The following AKT1 variants were observed in gnomAD, a reference collection of about 807,000 sequenced individuals.
AKT1 encodes AKT serine/threonine kinase 1.
AKT1 carries 21 observed loss-of-function variants against 63.1 expected under a neutral mutation model. The observed-to-expected ratio is 0.33, with a 90% CI of 0.24 to 0.48. The LOEUF (loss-of-function observed/expected upper bound fraction) is 0.48. Among genes scored for constraint, AKT1 ranks in the 20% least tolerant of loss-of-function variants. The pLI, the probability that AKT1 is intolerant of heterozygous loss-of-function variation, is 0.99. For missense variants in AKT1, 382 were observed against 666.0 expected, an observed-to-expected ratio of 0.57 and a Z score of 4.69; for synonymous variants, 257 against 253.1, an observed-to-expected ratio of 1.02 and a Z score of -0.15.
chr14:104,781,147 A>G (rs1447354393), intron 3 of AKT1, among the ~76,000 whole-genome samples: 1 of 152,184 alleles, frequency 6.6e-6, no homozygotes, highest in Admixed American at 6.5e-5. Context: ...CTCGGAAAAA[A>G]ATGTTCCACT....
rs570816991 is a variant in AKT1 at position 104,772,529 on chromosome 14, G to A, written c.1173-77C>T. ...CTGGGTTCAGGCCCCTTCCTCCTGT[G>A]ATGTAGGGCCCGCCAGACAGGACGT... On this transcript the variant is annotated intron_variant, in intron 12 of 14. Coordinates refer to ENST00000649815, the MANE Select transcript of AKT1 (RefSeq NM_001382430.1). 7.6e-6 allele frequency: 11 copies of A among 1,441,236 alleles called. No individual in the cohort carries two copies. The East Asian group carries it at 2.5e-4, about 33-fold the overall frequency. 89.3% of individuals were successfully genotyped at this position (1,441,236 alleles called of 1,614,324 possible).
intron 6 of AKT1, 174 bp from the exon 7 acceptor site, chr14:104,775,381 T>G: frequency 8.0e-7 from 1 of 1,255,660 alleles, no homozygotes; most frequent in Non-Finnish European, 1.1e-6. Flanking sequence ...AGGGAACACA[T>G]GGCTGCGGCC....
chr14:104,774,645 G>A (rs1892605783), intron 8 of AKT1: 1 of 458,700 alleles, frequency 2.2e-6, no homozygotes, highest in Admixed American at 3.9e-5. Context: ...GGCAGGCAGG[G>A]CTGCAGGGCA....
chr14:104,782,400 G>A lies in AKT1; in HGVS notation c.47-2184C>T, dbSNP rs143821500. ...CCCCCACCGTGCCCAGCATGGCCCC[G>A]TGCTGCCCCCGAGCACGCAGCTCCC... is the stretch of plus-strand genomic sequence containing the variant. On this transcript the variant is annotated intron_variant, in intron 3 of 14. Transcript: ENST00000649815. 3.4e-3 allele frequency among the ~76,000 whole-genome samples: 518 copies of A among 152,052 alleles called. 17 individuals carry two copies. In the East Asian group the frequency reaches 0.069, roughly 20 times the overall value.
chr14:104,777,357 C>T (rs1242371393), intron 4 of AKT1: 1 of 234,832 alleles, frequency 4.3e-6, no homozygotes, highest in Non-Finnish European at 7.8e-6. Context: ...GGCACACACA[C>T]ACTGGAGGCA....
At position 104,780,176 on chromosome 14, in the gene AKT1, G is replaced by C. The variant is rs1161618144; in HGVS notation, c.87C>G (p.Leu29=). 6.2e-7 allele frequency: 1 copy of C among 1,613,578 alleles called. No individual in the cohort carries two copies. Among genetic ancestry groups the C allele is most frequent in the Admixed American group, 1.7e-5 (1 of 60,018 alleles). Residue 29 remains leucine (L), a synonymous_variant, in exon 4 of 15, where the codon CTC becomes CTG. Transcript: ENST00000649815. Reference sequence around the variant, plus strand: ...AGCCAATGAAGGTGCCATCATTCTTGAGGAGGAAGTAGCGTGGCCGCCAGG... The same window carrying C: ...AGCCAATGAAGGTGCCATCATTCTTCAGGAGGAAGTAGCGTGGCCGCCAGG... ...IKTWRPRYFL[L]KNDGTFIGYK...
intron 9 of AKT1, 148 bp from the exon 10 acceptor site, chr14:104,773,728 G>A (rs1321698139): frequency 2.3e-6 from 3 of 1,312,716 alleles, no homozygotes; most frequent in East Asian, 5.1e-5. Flanking sequence ...AGTCTCAGAA[G>A]CCCTAACTCA....
At position 104,769,479 on chromosome 14, in the gene AKT1, G is replaced by C. The variant is rs1892253857; in HGVS notation, c.*862C>G. The C allele has an allele frequency of 5.9e-6, 3 of 512,044 alleles. No homozygotes were observed. The highest frequency in any genetic ancestry group is 5.8e-5 in the African/African-American group (3 of 52,062). The allele number at this position is 512,044 out of a possible 1,614,324, so 31.7% of individuals were successfully genotyped here. Reference sequence around the variant, plus strand: ...CGGCAGCGGCAGCGTCTGGCCAGGAGGCGTGGAGGGGCCCAGGGATGGCCA... The same window carrying C: ...CGGCAGCGGCAGCGTCTGGCCAGGACGCGTGGAGGGGCCCAGGGATGGCCA... On this transcript the variant is annotated 3_prime_UTR_variant, in exon 15 of 15. Transcript: ENST00000649815.
Position 104,792,647 on chromosome 14 carries a change from G to A in AKT1, c.-4C>T, listed in dbSNP as rs1283206877. On this transcript the variant is annotated 5_prime_UTR_variant, in exon 3 of 15. Transcript: ENST00000649815. ...TCACAATAGCCACGTCGCTCATGGT[G>A]CCCGAGGCTCCCGCGACGCTCACGC... The A allele has an allele frequency of 8.7e-6, 14 of 1,610,324 alleles. No homozygotes were observed. Among genetic ancestry groups the A allele is most frequent in the Non-Finnish European group, 1.2e-5 (14 of 1,179,878 alleles).
intron 14 of AKT1, 76 bp from the exon 15 acceptor site, chr14:104,770,496 G>A: frequency 7.1e-7 from 1 of 1,401,764 alleles, no homozygotes; most frequent in Non-Finnish European, 9.6e-7. Flanking sequence ...CCAGTAGGAA[G>A]CCAACCTCTT....
intron 3 of AKT1, among the ~76,000 whole-genome samples, chr14:104,787,633 TGA>T (rs1566824606): frequency 1.3e-5 from 2 of 152,252 alleles, no homozygotes; most frequent in Non-Finnish European, 2.9e-5. Context: ...AGGCTTCTCC[TGA>T]GAGTGGAAGG....
chr14:104,770,016 C>T lies in AKT1; in HGVS notation c.*325G>A. The T allele has an allele frequency of 2.1e-6, 1 of 467,290 alleles. No homozygotes were observed. Among genetic ancestry groups the T allele is most frequent in the South Asian group, 2.1e-5 (1 of 47,210 alleles). 28.9% of individuals were successfully genotyped at this position (467,290 alleles called of 1,614,324 possible). On this transcript the variant is annotated 3_prime_UTR_variant, in exon 15 of 15. Transcript: ENST00000649815. ...TGAGGGGACACATGGGCAGGACCTGCCCGGCCCCCCAATGCCACATTGCGC... is the reference window on the plus strand; with the variant it reads ...TGAGGGGACACATGGGCAGGACCTGTCCGGCCCCCCAATGCCACATTGCGC...
Position 104,792,702 on chromosome 14 carries a change from C to T in AKT1, c.-59G>A. ...CTCTCAGGCTGGCGCTCCCCGAGCC[C>T]AGCTGGCCTGGCCACAGCCTCTGGG... On this transcript the variant is annotated 5_prime_UTR_variant, in exon 3 of 15. Transcript: ENST00000649815. 6.3e-7 allele frequency: 1 copy of T among 1,593,170 alleles called. No individual in the cohort carries two copies. The highest frequency in any genetic ancestry group is 8.5e-7 in the Non-Finnish European group (1 of 1,171,710).
intron 4 of AKT1, chr14:104,777,854 C>A: frequency 3.5e-6 from 1 of 289,108 alleles, no homozygotes; most frequent in Non-Finnish European, 5.2e-6. Context: ...GGGAGGGTGG[C>A]CTGTGTCAAC....
intron 3 of AKT1, among the ~76,000 whole-genome samples, chr14:104,791,602 T>C (rs1238957860): frequency 6.6e-6 from 1 of 152,148 alleles, no homozygotes; most frequent in African/African-American, 2.4e-5. Context: ...TTAGGCCTGC[T>C]CTTCTGTGAG....
chr14:104,770,490 T>C, intron 14 of AKT1, 70 bp from the exon 15 acceptor site: 11 of 1,434,442 alleles, frequency 7.7e-6, no homozygotes, highest in African/African-American at 1.4e-5. Context: ...ACAGCTCCAG[T>C]AGGAAGCCAA....
chr14:104,782,921 G>A (rs929918817), intron 3 of AKT1, among the ~76,000 whole-genome samples: 7 of 152,236 alleles, frequency 4.6e-5, no homozygotes, highest in African/African-American at 1.2e-4. Context: ...GGGCCGTGGC[G>A]CGCATCTTAA....
chr14:104,783,500 C>G (rs1314554729), intron 3 of AKT1, among the ~76,000 whole-genome samples: 1 of 148,552 alleles, frequency 6.7e-6, no homozygotes, highest in East Asian at 2.0e-4. Flanking sequence ...ATCCCCCCAC[C>G]CCACCCCAGT....
intron 1 of AKT1, chr14:104,793,731 TGATG>T (rs1251376259): frequency 6.4e-6 from 1 of 156,002 alleles, no homozygotes; most frequent in African/African-American, 2.4e-5. Flanking sequence ...ATTTCCCCTC[TGATG>T]GATGAACTCC....
Sources: gnomAD v4.1 joint callset for allele counts (sites outside exome capture counted in the v4.1 genomes callset) on GRCh38, gnomAD v4.1.1 for gene constraint, MANE v1.5 for transcripts, NCBI Gene and HGNC (gene_info 2026-07-23, HGNC 2026-07-21) for gene names.